Variants in MRPL48 observed in about 807,000 individuals in gnomAD.
MRPL48 encodes mitochondrial ribosomal protein L48, also known as large ribosomal subunit protein mL48.
MRPL48 carries 16 observed loss-of-function variants against 32.9 expected under a neutral mutation model. That is an observed-to-expected ratio of 0.49 (90% CI 0.33 to 0.74). MRPL48 has a LOEUF of 0.74. Among genes scored for constraint, MRPL48 ranks in the 30% least tolerant of loss-of-function variants. The pLI, the probability that MRPL48 is intolerant of heterozygous loss-of-function variation, is 0.02. For missense variants in MRPL48, 206 were observed against 245.3 expected (o/e 0.84, Z 1.07); for synonymous variants, 94 against 89.2 (o/e 1.05, Z -0.31).
chr11:73,790,770 T>C (rs1947136193), intron 1 of MRPL48, among the ~76,000 whole-genome samples: 1 of 150,922 alleles, frequency 6.6e-6, no homozygotes, highest in Non-Finnish European at 1.5e-5. Context: ...CAAGCAGTCC[T>C]CCCACCTTGG....
rs574336774 is a variant in MRPL48 at position 73,798,120 on chromosome 11, C to T, written c.22-6907C>T. 1.4e-4 allele frequency among the ~76,000 whole-genome samples: 21 copies of T among 152,124 alleles called. 1 individual carries two copies. The highest frequency in any genetic ancestry group is 4.2e-4 in the South Asian group (2 of 4,812). On this transcript the variant is annotated intron_variant, in intron 1 of 7. Coordinates refer to ENST00000310614, the MANE Select transcript of MRPL48 (RefSeq NM_016055.6). ...TTTTTGAGACAGAGTCTCGCTCTGT[C>T]GCCCTGGAGGGCAGTGGCATAATCT...
intron 5 of MRPL48, among the ~76,000 whole-genome samples, chr11:73,846,246 C>A (rs111608339): frequency 5.0e-4 from 76 of 152,144 alleles, no homozygotes; most frequent in East Asian, 3.7e-3. Context: ...CTTTTTGTGA[C>A]TGGCTTCTTT....
Position 73,864,472 on chromosome 11 carries a change from C to A in MRPL48, c.*102C>A. On this transcript the variant is annotated 3_prime_UTR_variant, in exon 8 of 8. Coordinates refer to ENST00000310614, the MANE Select transcript of MRPL48 (RefSeq NM_016055.6). The stretch of plus-strand genomic sequence containing the variant: ...ATCAGGAGACCCAACCCTTAGATTT[C>A]ATAAGTACCCATTCCCATAGCCAGT... The A allele has an allele frequency of 8.8e-7, 1 of 1,141,862 alleles. No homozygotes were observed. Among genetic ancestry groups the A allele is most frequent in the South Asian group, 1.3e-5 (1 of 75,244 alleles). The allele number at this position is 1,141,862 out of a possible 1,614,324, so 70.7% of individuals were successfully genotyped here.
chr11:73,851,202 C>T (rs1392152347), intron 5 of MRPL48: 3 of 426,170 alleles, frequency 7.0e-6, no homozygotes, highest in South Asian at 1.8e-5. Context: ...CACTGGGTGC[C>T]GCCATATTGG....
chr11:73,814,455 G>A (rs1354389947), intron 3 of MRPL48, among the ~76,000 whole-genome samples: 1 of 152,098 alleles, frequency 6.6e-6, no homozygotes, highest in Non-Finnish European at 1.5e-5. Context: ...AGCACTTTGG[G>A]AGGCTGAGGC....
At chr11:73,827,480 T>A (rs1242688822) in intron 4 of MRPL48, among the ~76,000 whole-genome samples, 1 of 152,196 alleles carries the variant, frequency 6.6e-6, no homozygotes, top group Non-Finnish European at 1.5e-5. Context: ...TTAGCCCATT[T>A]CTTTGGCTCC....
intron 3 of MRPL48, among the ~76,000 whole-genome samples, chr11:73,814,754 G>A (rs1240175533): frequency 1.3e-5 from 2 of 151,852 alleles, no homozygotes; most frequent in Non-Finnish European, 2.9e-5. Flanking sequence ...GGCAGTTTGG[G>A]AGGCCGAGGC....
At chr11:73,793,588 T>C (rs987025053) in intron 1 of MRPL48, among the ~76,000 whole-genome samples, 1 of 152,056 alleles carries the variant, frequency 6.6e-6, no homozygotes, top group Non-Finnish European at 1.5e-5. Flanking sequence ...GAGAAGAACA[T>C]GTGTAAAGGT....
intron 5 of MRPL48, among the ~76,000 whole-genome samples, chr11:73,856,596 G>C (rs1691665820): frequency 6.6e-6 from 1 of 152,158 alleles, no homozygotes; most frequent in South Asian, 2.1e-4. Flanking sequence ...CCTGTGCTCT[G>C]CTAAGAGTAA....
chr11:73,815,725 C>T (rs1390333820), intron 3 of MRPL48, among the ~76,000 whole-genome samples: 1 of 151,978 alleles, frequency 6.6e-6, no homozygotes, highest in East Asian at 1.9e-4. Flanking sequence ...AGGCCTTCTG[C>T]CTCGGCCTCC....
At chr11:73,825,540 G>C (rs917694965) in intron 3 of MRPL48, among the ~76,000 whole-genome samples, 168 bp from the exon 4 acceptor site, 2 of 151,796 alleles carry the variant, frequency 1.3e-5, no homozygotes, top group South Asian at 2.1e-4. Context: ...GGGGAGGGGG[G>C]TGTGGGCTGA....
intron 3 of MRPL48, among the ~76,000 whole-genome samples, chr11:73,812,323 GT>G (rs886423184): frequency 1.3e-4 from 20 of 151,974 alleles, no homozygotes; most frequent in Admixed American, 1.3e-4. Context: ...CATTTAGGTC[GT>G]TTTTAGTTTT....
At chr11:73,816,600 G>A (rs1163582746) in intron 3 of MRPL48, among the ~76,000 whole-genome samples, 1 of 151,846 alleles carries the variant, frequency 6.6e-6, no homozygotes, top group African/African-American at 2.4e-5. Flanking sequence ...GAGTAGCTGG[G>A]ATTACAGGCA....
chr11:73,793,783 A>G (rs1401035872), intron 1 of MRPL48, among the ~76,000 whole-genome samples: 2 of 151,860 alleles, frequency 1.3e-5, no homozygotes, highest in Non-Finnish European at 2.9e-5. Flanking sequence ...ACACTTTGAA[A>G]AGCTGCAGTG....
intron 3 of MRPL48, 51 bp downstream of exon 3, chr11:73,808,401 C>A (rs748688223): frequency 6.0e-5 from 92 of 1,534,098 alleles, no homozygotes; most frequent in Non-Finnish European, 8.1e-5. Context: ...GACCCTTTAG[C>A]ACTCTATAAT....
chr11:73,795,569 C>G (rs147796499), intron 1 of MRPL48, among the ~76,000 whole-genome samples: 1 of 151,534 alleles, frequency 6.6e-6, no homozygotes, highest in South Asian at 2.1e-4. Flanking sequence ...TACAGTGGCG[C>G]GATCTCCGCT....
chr11:73,825,904 G>A, intron 4 of MRPL48, 108 bp downstream of exon 4: 1 of 967,688 alleles, frequency 1.0e-6, no homozygotes, highest in African/African-American at 1.7e-5. Flanking sequence ...AAATGATAAA[G>A]TTGCCTCTCA....
chr11:73,834,446 G>A (rs1457229320), intron 4 of MRPL48, among the ~76,000 whole-genome samples: 3 of 151,976 alleles, frequency 2.0e-5, no homozygotes, highest in African/African-American at 4.8e-5. Context: ...AGCAGGAAGC[G>A]GAAAGGGGAA....
intron 1 of MRPL48, among the ~76,000 whole-genome samples, chr11:73,788,741 G>T (rs191188607): frequency 1.3e-5 from 2 of 152,002 alleles, no homozygotes; most frequent in East Asian, 3.9e-4. Flanking sequence ...CAAAGTGCCG[G>T]GATTACAGGC....
Sources: gnomAD v4.1 joint callset for allele counts (sites outside exome capture counted in the v4.1 genomes callset) on GRCh38, gnomAD v4.1.1 for gene constraint, MANE v1.5 for transcripts, NCBI Gene and HGNC (gene_info 2026-07-23, HGNC 2026-07-21) for gene names.